Variants in KALRN observed in about 807,000 individuals in gnomAD.
KALRN encodes kalirin RhoGEF kinase, also known as kalirin.
A neutral mutation model predicts 353.7 loss-of-function variants in KALRN; 70 were observed. The observed-to-expected ratio is 0.20, with a 90% CI of 0.16 to 0.24. The LOEUF is 0.24. Among genes scored for constraint, KALRN ranks in the 10% least tolerant of loss-of-function variants. The pLI, the probability that KALRN is intolerant of heterozygous loss-of-function variation, is 1.00. For synonymous variants in KALRN, 1,391 were observed against 1,434.8 expected, an observed-to-expected ratio of 0.97 and a Z score of 0.69; for missense variants, 2,791 against 3,756.7, an observed-to-expected ratio of 0.74 and a Z score of 6.72.
At chr3:124,319,981 G>C (rs1194559880) in intron 6 of KALRN, among the ~76,000 whole-genome samples, 1 of 146,342 alleles carries the variant, frequency 6.8e-6, no homozygotes, top group African/African-American at 2.5e-5. Flanking sequence ...GCAACAGAGT[G>C]AGACTCCATC....
intron 27 of KALRN, among the ~76,000 whole-genome samples, chr3:124,479,220 G>A (rs568139871): frequency 6.6e-6 from 1 of 152,274 alleles, no homozygotes; most frequent in East Asian, 1.9e-4. Flanking sequence ...GCTTTGATAA[G>A]TCAGATATAT....
chr3:124,620,594 G>T (rs574229894), intron 34 of KALRN, among the ~76,000 whole-genome samples: 1 of 152,312 alleles, frequency 6.6e-6, no homozygotes. Context: ...ACTGACTTTT[G>T]CTTGATCCCA....
chr3:124,423,124 T>C, intron 15 of KALRN, 146 bp downstream of exon 15: 1 of 662,298 alleles, frequency 1.5e-6, no homozygotes. Context: ...AGTTAAGGAC[T>C]ACTTGTATTA....
At chr3:124,432,532 G>T (rs2093319429) in intron 16 of KALRN, among the ~76,000 whole-genome samples, 1 of 152,164 alleles carries the variant, frequency 6.6e-6, no homozygotes, top group East Asian at 1.9e-4. Context: ...AGGCATGCTG[G>T]GCAGAATGAA....
At chr3:124,325,922 A>G (rs2079858589) in intron 6 of KALRN, 58 bp from the exon 7 acceptor site, 1 of 1,447,354 alleles carries the variant, frequency 6.9e-7, no homozygotes, top group African/African-American at 1.4e-5. Context: ...ACCCCACGAA[A>G]GTGCTCAGTG....
intron 1 of KALRN, among the ~76,000 whole-genome samples, chr3:124,054,312 C>T (rs917741625): frequency 4.6e-5 from 6 of 130,880 alleles, no homozygotes; most frequent in African/African-American, 1.3e-4. Context: ...CACTTGAGCC[C>T]GGGAGTTCAA....
chr3:124,549,062 A>G (rs1459315842), intron 33 of KALRN, among the ~76,000 whole-genome samples: 1 of 152,220 alleles, frequency 6.6e-6, no homozygotes, highest in African/African-American at 2.4e-5. Context: ...TTGACGAGGA[A>G]CTGAAGCTTA....
chr3:124,147,023 T>C (rs755565622), intron 1 of KALRN, among the ~76,000 whole-genome samples: 3 of 152,182 alleles, frequency 2.0e-5, no homozygotes, highest in Non-Finnish European at 1.5e-5. Context: ...ATGTGCTTTA[T>C]ATAAATTATT....
At chr3:124,220,224 T>G (rs866045310) in intron 1 of KALRN, among the ~76,000 whole-genome samples, 3 of 152,166 alleles carry the variant, frequency 2.0e-5, no homozygotes, top group African/African-American at 7.2e-5. Flanking sequence ...ATTACAGGTG[T>G]GAGCTACTGA....
At chr3:124,263,637 C>T (rs2073164655) in intron 3 of KALRN, among the ~76,000 whole-genome samples, 1 of 151,894 alleles carries the variant, frequency 6.6e-6, no homozygotes, top group East Asian at 1.9e-4. Flanking sequence ...ACAAGTAATA[C>T]ATCTTAAATA....
At chr3:124,603,612 C>G (rs953867635) in intron 34 of KALRN, among the ~76,000 whole-genome samples, 18 of 152,172 alleles carry the variant, frequency 1.2e-4, no homozygotes, top group African/African-American at 3.6e-4. Context: ...TGTGTCTGAC[C>G]TATAGGGAGA....
At chr3:124,585,588 G>A (rs1186863409) in intron 34 of KALRN, among the ~76,000 whole-genome samples, 2 of 152,064 alleles carry the variant, frequency 1.3e-5, no homozygotes, top group Admixed American at 6.5e-5. Flanking sequence ...AGCAGCCGGC[G>A]AACAGGAGGG....
intron 1 of KALRN, among the ~76,000 whole-genome samples, chr3:124,160,918 TCTC>T (rs58979669): frequency 0.021 from 3,132 of 152,252 alleles, 96 homozygotes; most frequent in African/African-American, 0.071. Context: ...ATCCTGTAGT[TCTC>T]CAAGGACTGA....
chr3:124,352,457 G>A (rs1461161123), intron 10 of KALRN, among the ~76,000 whole-genome samples: 1 of 152,144 alleles, frequency 6.6e-6, no homozygotes, highest in African/African-American at 2.4e-5. Context: ...TCAAAAATTA[G>A]CAAGCGTTTA....
chr3:124,475,123 G>A (rs1275056183), intron 26 of KALRN, among the ~76,000 whole-genome samples: 1 of 152,096 alleles, frequency 6.6e-6, no homozygotes, highest in African/African-American at 2.4e-5. Context: ...TATATTTATG[G>A]GGGAGACAAA....
chr3:124,251,571 A>G (rs891837923), intron 3 of KALRN, among the ~76,000 whole-genome samples: 1 of 151,944 alleles, frequency 6.6e-6, no homozygotes, highest in Non-Finnish European at 1.5e-5. Context: ...TGGTTCCAAC[A>G]TCTTGCCCAG....
intron 10 of KALRN, among the ~76,000 whole-genome samples, chr3:124,376,703 G>T: frequency 6.6e-6 from 1 of 152,312 alleles, no homozygotes; most frequent in South Asian, 2.1e-4. Context: ...AACACATTCT[G>T]AGTGCTAAAT....
chr3:124,656,512 G>C (rs900928200), intron 39 of KALRN, among the ~76,000 whole-genome samples: 1 of 152,216 alleles, frequency 6.6e-6, no homozygotes, highest in East Asian at 1.9e-4. Flanking sequence ...TCAGGAGGCC[G>C]AGGCAGGAGA....
intron 53 of KALRN, among the ~76,000 whole-genome samples, chr3:124,695,416 A>C (rs1375016132): frequency 6.6e-6 from 1 of 152,220 alleles, no homozygotes; most frequent in African/African-American, 2.4e-5. Flanking sequence ...ATTCCTTGGT[A>C]TTCCCAGCAG....
Sources: gnomAD v4.1 joint callset for allele counts (sites outside exome capture counted in the v4.1 genomes callset) on GRCh38, gnomAD v4.1.1 for gene constraint, MANE v1.5 for transcripts, NCBI Gene and HGNC (gene_info 2026-07-23, HGNC 2026-07-21) for gene names.